SLC6A19: variants seen among roughly 807,000 people sequenced by gnomAD.
SLC6A19 encodes solute carrier family 6 member 19, also known as sodium-dependent neutral amino acid transporter B(0)AT1.
In SLC6A19, 67 loss-of-function variants were observed where a neutral mutation model predicts 68.3. That is an observed-to-expected ratio of 0.98 (90% CI 0.81 to 1.20). The LOEUF (loss-of-function observed/expected upper bound fraction) is 1.20. Among genes scored for constraint, SLC6A19 ranks in the 50% most tolerant of loss-of-function variants. SLC6A19 has a pLI of 0.00. For missense variants in SLC6A19, 813 were observed against 851.6 expected (o/e 0.95, Z 0.56); for synonymous variants, 392 against 374.9 (o/e 1.05, Z -0.53).
At position 1,213,139 on chromosome 5, in the gene SLC6A19, C is replaced by T. The variant is rs186130757; in HGVS notation, c.664-324C>T. Reference sequence around the variant, plus strand: ...GCCCCCTTCCCCAGATGCCCCAACCCCTGTAGGCCTGGCCCCCCTCCGCAC... The same window carrying T: ...GCCCCCTTCCCCAGATGCCCCAACCTCTGTAGGCCTGGCCCCCCTCCGCAC... On this transcript the variant is annotated intron_variant, in intron 4 of 11. Coordinates refer to ENST00000304460, the MANE Select transcript of SLC6A19 (RefSeq NM_001003841.3). Among the ~76,000 whole-genome samples, 72 of 132,716 alleles carry T rather than the reference C, an allele frequency of 5.4e-4. 2 individuals are homozygous for T. In the East Asian group the frequency reaches 0.017, roughly 31 times the overall value. 87.1% of individuals were successfully genotyped at this position (132,716 alleles called of 152,430 possible). A position where few individuals can be genotyped will look rare whatever the true frequency, so the allele number is the denominator to read the frequency against.
intron 2 of SLC6A19, 66 bp downstream of exon 2, chr5:1,208,952 G>T (rs112140006): frequency 1.5e-5 from 24 of 1,552,466 alleles, no homozygotes; most frequent in Admixed American, 5.7e-5. Context: ...CGTTCCACCC[G>T]GGCCCAGGGT....
chr5:1,218,570 C>T (rs898539777), intron 8 of SLC6A19, among the ~76,000 whole-genome samples: 14 of 152,192 alleles, frequency 9.2e-5, no homozygotes, highest in African/African-American at 3.4e-4. Flanking sequence ...ACAGGTGACT[C>T]GCGTAACACC....
chr5:1,213,633 C>G, intron 5 of SLC6A19, 60 bp downstream of exon 5: 1 of 1,492,550 alleles, frequency 6.7e-7, no homozygotes, highest in South Asian at 1.2e-5. Context: ...GCCCTGTGCC[C>G]CCGCCAGCCT....
At chr5:1,202,695 G>T (rs987367378) in intron 1 of SLC6A19, among the ~76,000 whole-genome samples, 11 of 152,306 alleles carry the variant, frequency 7.2e-5, no homozygotes, top group Middle Eastern at 3.4e-3. Flanking sequence ...TTCACGGGGG[G>T]GCCGTGAAGG....
chr5:1,218,805 C>G, intron 8 of SLC6A19, 98 bp from the exon 9 acceptor site: 1 of 1,271,478 alleles, frequency 7.9e-7, no homozygotes, highest in Non-Finnish European at 1.1e-6. Flanking sequence ...CCTGCCCGCC[C>G]CATGCTGCGT....
intron 11 of SLC6A19, among the ~76,000 whole-genome samples, 156 bp downstream of exon 11, chr5:1,221,469 C>T (rs1302117105): frequency 6.6e-6 from 1 of 152,158 alleles, no homozygotes; most frequent in Non-Finnish European, 1.5e-5. Flanking sequence ...CACCACCCCA[C>T]GCATCTTGCT....
At chr5:1,201,983 G>A in intron 1 of SLC6A19, 131 bp downstream of exon 1, 2 of 1,273,470 alleles carry the variant, frequency 1.6e-6, no homozygotes, top group Non-Finnish European at 2.1e-6. Flanking sequence ...GAAGCCGCAG[G>A]GTGTGGGGGG....
chr5:1,220,551 CG>C (rs1170870316), intron 10 of SLC6A19, among the ~76,000 whole-genome samples: 1 of 152,052 alleles, frequency 6.6e-6, no homozygotes, highest in East Asian at 1.9e-4. Context: ...AAGCCCTTGC[CG>C]GGTGTGAGGT....
intron 8 of SLC6A19, among the ~76,000 whole-genome samples, chr5:1,218,084 G>T (rs901770946): frequency 3.6e-4 from 55 of 151,984 alleles, no homozygotes; most frequent in African/African-American, 1.3e-3. Context: ...GAAGAGCGGC[G>T]TGCCTTGTAT....
chr5:1,220,164 C>T (rs1284048605), intron 10 of SLC6A19, among the ~76,000 whole-genome samples: 1 of 152,064 alleles, frequency 6.6e-6, no homozygotes, highest in Non-Finnish European at 1.5e-5. Flanking sequence ...CATCCCAGCA[C>T]TTTGGGAGGC....
chr5:1,219,365 C>T (rs1014364747), intron 9 of SLC6A19, 140 bp from the exon 10 acceptor site: 42 of 1,304,664 alleles, frequency 3.2e-5, no homozygotes, highest in African/African-American at 2.6e-4. Flanking sequence ...GCTCTGTCCC[C>T]GGCAGTGTGT....
At chr5:1,211,419 G>T (rs893041320) in intron 3 of SLC6A19, among the ~76,000 whole-genome samples, 3 of 152,262 alleles carry the variant, frequency 2.0e-5, no homozygotes, top group African/African-American at 4.8e-5. Flanking sequence ...GCCCCAGCCC[G>T]GGAGCGCAAA....
intron 10 of SLC6A19, among the ~76,000 whole-genome samples, chr5:1,220,204 G>A (rs1344802801): frequency 6.6e-6 from 1 of 152,104 alleles, no homozygotes; most frequent in African/African-American, 2.4e-5. Context: ...GAAGTCAGCA[G>A]TTTGAGACCA....
intron 8 of SLC6A19, among the ~76,000 whole-genome samples, 192 bp downstream of exon 8, chr5:1,217,137 C>A (rs558077341): frequency 3.3e-5 from 5 of 152,226 alleles, no homozygotes. Context: ...TGCCAGGCCA[C>A]GAGATTTCAC....
intron 8 of SLC6A19, 73 bp from the exon 9 acceptor site, chr5:1,218,830 C>T (rs1746277441): frequency 1.3e-5 from 20 of 1,544,484 alleles, no homozygotes; most frequent in Non-Finnish European, 1.8e-5. Flanking sequence ...TGGCGACGCA[C>T]GAGACCTCGG....
At chr5:1,204,260 T>A (rs1745792175) in intron 1 of SLC6A19, among the ~76,000 whole-genome samples, 2 of 152,180 alleles carry the variant, frequency 1.3e-5, no homozygotes, top group Non-Finnish European at 2.9e-5. Context: ...GATTTTGCCC[T>A]CCTTGGAGAG....
Position 1,214,715 on chromosome 5 carries a change from G to C in SLC6A19, c.887+650G>C, listed in dbSNP as rs1268812936. ...GTGACCAGAATTTCAGAGCAGAAGG[G>C]GCTGGGGGTGAGGGAGGACTCCTAG... On this transcript the variant is annotated intron_variant, in intron 6 of 11. Coordinates refer to ENST00000304460, the MANE Select transcript of SLC6A19 (RefSeq NM_001003841.3). The surrounding 1 kb of genome is among the most constrained non-coding windows in gnomAD (Gnocchi z 7.4). Among the ~76,000 whole-genome samples the C allele has an allele frequency of 6.6e-6, 1 of 152,134 alleles. No individual in the cohort carries two copies. Among genetic ancestry groups the C allele is most frequent in the Non-Finnish European group, 1.5e-5 (1 of 68,014 alleles).
rs556345053 is a variant in SLC6A19 at position 1,224,457 on chromosome 5, G to A, written c.*2553G>A. 156 of 152,432 alleles carry A rather than the reference G, an allele frequency of 1.0e-3. No homozygotes were observed. The highest frequency in any genetic ancestry group is 1.8e-3 in the Non-Finnish European group (122 of 68,090). The allele number at this position is 152,432 out of a possible 1,614,324, so 9.4% of individuals were successfully genotyped here. The stretch of plus-strand genomic sequence containing the variant: ...TGACCTCAGACGGGATGGTGGGGAC[G>A]GCAGGTCCAGCTCCTGCCTCCTCCT... On this transcript the variant is annotated 3_prime_UTR_variant, in exon 12 of 12. Coordinates refer to ENST00000304460, the MANE Select transcript of SLC6A19 (RefSeq NM_001003841.3).
chr5:1,206,200 T>C (rs115797760), intron 1 of SLC6A19, among the ~76,000 whole-genome samples: 16,049 of 152,080 alleles, frequency 0.11, 825 homozygotes, highest in Middle Eastern at 0.11. Context: ...AGTGAGGAAG[T>C]CACAGCCTCC....
Sources: allele counts gnomAD v4.1 joint callset (sites outside exome capture counted in the v4.1 genomes callset), GRCh38; gene constraint gnomAD v4.1.1; non-coding constraint Gnocchi (gnomAD v3.1); transcripts MANE v1.5; gene names NCBI Gene and HGNC (gene_info 2026-07-23, HGNC 2026-07-21).